The following RELCH variants were observed in gnomAD, a reference collection of about 807,000 sequenced individuals.
The protein encoded by RELCH is RAB11-binding protein RELCH.
A neutral mutation model predicts 150.3 loss-of-function variants in RELCH; 41 were observed. The ratio of observed to expected loss-of-function variants is 0.27; its 90% CI spans 0.21 to 0.35. The LOEUF (loss-of-function observed/expected upper bound fraction) is 0.35, where lower values mean the gene tolerates loss of function less well. RELCH is among the 10% of genes least tolerant of loss of function. The pLI is 1.00. For synonymous variants in RELCH, 478 were observed against 531.8 expected (o/e 0.90, Z 1.39); for missense variants, 1,092 against 1,467.8 (o/e 0.74, Z 4.18).
At chr18:62,278,727 A>C (rs928593339) in intron 22 of RELCH, among the ~76,000 whole-genome samples, 6 of 152,090 alleles carry the variant, frequency 3.9e-5, no homozygotes, top group African/African-American at 1.4e-4. Flanking sequence ...AAATTCAGTA[A>C]TATTTATCAA....
rs890674833 is a variant in RELCH at position 62,274,066 on chromosome 18, G to A, written c.2847G>A (p.Lys949=). The A allele has an allele frequency of 1.1e-5, 18 of 1,610,752 alleles. No homozygotes were observed. Among genetic ancestry groups the A allele is most frequent in the Non-Finnish European group, 1.5e-5 (18 of 1,177,494 alleles). ...CTCATGCTCCTCTTGATAGCCTGAA[G>A]GCTTCTTTTGTGGAATTGGGGTAAG... ...SLSHAPLDSL[K]ASFVELGANP... is the part of the protein sequence containing the mutation. The change falls in exon 21 of 29, where the codon AAG becomes AAA. Residue 949 remains lysine, a synonymous_variant. Coordinates refer to ENST00000644646, the MANE Select transcript of RELCH (RefSeq NM_001346231.2).
At chr18:62,258,400 C>A in intron 14 of RELCH, 112 bp from the exon 15 acceptor site, 1 of 992,502 alleles carries the variant, frequency 1.0e-6, no homozygotes, top group Non-Finnish European at 1.4e-6. Context: ...GGCCTTCTTT[C>A]TTGCTTAAAA....
intron 10 of RELCH, among the ~76,000 whole-genome samples, chr18:62,236,156 T>C (rs1165109095): frequency 6.6e-6 from 1 of 152,040 alleles, no homozygotes; most frequent in Non-Finnish European, 1.5e-5. Context: ...AATATTCTTA[T>C]CATAAAATGG....
At position 62,291,636 on chromosome 18, in the gene RELCH, G is replaced by A. The variant is rs748419413; in HGVS notation, c.3459+5G>A. On this transcript the variant is annotated splice_donor_5th_base_variant and intron_variant, in intron 27 of 28. Transcript: ENST00000644646. ...CATCTCTCTCCAGAGCATGAGGTGA[G>A]CCACTGTGATTACCAGTGCCATATT... The A allele has an allele frequency of 3.8e-6, 6 of 1,584,218 alleles. No individual in the cohort carries two copies. In the African/African-American group the frequency reaches 8.1e-5, roughly 21 times the overall value.
intron 16 of RELCH, 75 bp downstream of exon 16, chr18:62,261,733 A>G: frequency 7.5e-7 from 1 of 1,330,550 alleles, no homozygotes; most frequent in Non-Finnish European, 1.0e-6. Context: ...TTTTTTATTA[A>G]AAGTCTAAAA....
chr18:62,285,807 A>C (rs2044760193), intron 25 of RELCH: 1 of 152,236 alleles, frequency 6.6e-6, no homozygotes, highest in Non-Finnish European at 1.5e-5. Context: ...GGTTATTATT[A>C]AATCATCTCC....
At position 62,187,497 on chromosome 18, in the gene RELCH, C is replaced by A; in HGVS notation, c.-9C>A. On this transcript the variant is annotated 5_prime_UTR_variant, in exon 1 of 29. Coordinates refer to ENST00000644646, the MANE Select transcript of RELCH (RefSeq NM_001346231.2). ...GTCAGGGAGGCGCCCACACTCCTGA[C>A]AGGATAAGATGGCGGCGATGGCGCC... is the stretch of plus-strand genomic sequence containing the variant. 1 of 1,511,564 alleles carries A rather than the reference C, an allele frequency of 6.6e-7. No homozygotes were observed. The highest frequency in any genetic ancestry group is 8.8e-7 in the Non-Finnish European group (1 of 1,130,870). The allele number at this position is 1,511,564 out of a possible 1,614,324, so 93.6% of individuals were successfully genotyped here. A position where few individuals can be genotyped will look rare whatever the true frequency, so the allele number is the denominator to read the frequency against.
At chr18:62,228,686 C>T (rs1481991702) in intron 8 of RELCH, 88 bp downstream of exon 8, 4 of 962,010 alleles carry the variant, frequency 4.2e-6, no homozygotes, top group South Asian at 4.0e-5. Flanking sequence ...ATTTAAACCG[C>T]TTTTTTGCAG....
At chr18:62,202,416 T>C (rs1157599323) in intron 1 of RELCH, among the ~76,000 whole-genome samples, 1 of 152,198 alleles carries the variant, frequency 6.6e-6, no homozygotes, top group Non-Finnish European at 1.5e-5. Context: ...CTTTCTTCCA[T>C]AAATAATTTT....
At chr18:62,235,715 T>C (rs1345397322) in intron 10 of RELCH, among the ~76,000 whole-genome samples, 1 of 152,058 alleles carries the variant, frequency 6.6e-6, no homozygotes, top group Non-Finnish European at 1.5e-5. Flanking sequence ...GTATTGTAAA[T>C]GGAATTGTTC....
At chr18:62,216,389 A>T (rs2040479044) in intron 2 of RELCH, among the ~76,000 whole-genome samples, 3 of 152,090 alleles carry the variant, frequency 2.0e-5, no homozygotes, top group Admixed American at 1.3e-4. Context: ...GGTTCACAAG[A>T]TCCATCTTTT....
intron 10 of RELCH, among the ~76,000 whole-genome samples, chr18:62,233,478 T>C (rs533178647): frequency 4.2e-4 from 64 of 152,104 alleles, no homozygotes; most frequent in East Asian, 1.7e-3. Context: ...TGTAGAGCTT[T>C]AAAATTTTTT....
At position 62,305,013 on chromosome 18, in the gene RELCH, A is replaced by G. The variant is rs1600314437; in HGVS notation, c.3531-401A>G. 6.6e-6 allele frequency among the ~76,000 whole-genome samples: 1 copy of G among 152,242 alleles called. No individual in the cohort carries two copies. The highest frequency in any genetic ancestry group is 6.5e-5 in the Admixed American group (1 of 15,284). ...TAAGAATTAAATGAAGTGATAAAGAATAACTACTAACAATTACATCATGCT... is the reference window on the plus strand; with the variant it reads ...TAAGAATTAAATGAAGTGATAAAGAGTAACTACTAACAATTACATCATGCT... On this transcript the variant is annotated intron_variant, in intron 28 of 28. Coordinates refer to ENST00000644646, the MANE Select transcript of RELCH (RefSeq NM_001346231.2). This position sits in a 1 kb window ranked among gnomAD's most constrained non-coding sequence, Gnocchi z 4.0.
chr18:62,259,517 G>A (rs1457438537), intron 15 of RELCH, among the ~76,000 whole-genome samples: 2 of 151,762 alleles, frequency 1.3e-5, no homozygotes, highest in African/African-American at 4.8e-5. Context: ...TCCATATTTA[G>A]TTGTTCATAG....
rs528375371 is a variant in RELCH at position 62,277,917 on chromosome 18, G to A, written c.2968-1857G>A. 14 of 884,010 alleles carry A rather than the reference G, an allele frequency of 1.6e-5. No homozygotes were observed. The East Asian group carries it at 1.1e-3, about 68-fold the overall frequency. The allele number at this position is 884,010 out of a possible 1,614,324, so 54.8% of individuals were successfully genotyped here. On this transcript the variant is annotated intron_variant, in intron 22 of 28. Coordinates refer to ENST00000644646, the MANE Select transcript of RELCH (RefSeq NM_001346231.2). ...GTAACATTAGAGCACAACTCAAAGA[G>A]GTCATGGACTTTAAGTCAGATGGGA...
intron 2 of RELCH, among the ~76,000 whole-genome samples, chr18:62,218,742 T>A (rs2040640938): frequency 6.6e-6 from 1 of 151,968 alleles, no homozygotes; most frequent in Non-Finnish European, 1.5e-5. Context: ...TCAGCAGAGT[T>A]GGACTATGAG....
At position 62,255,493 on chromosome 18, in the gene RELCH, T is replaced by C. The variant is rs1282221335; in HGVS notation, c.1896+15T>C. On this transcript the variant is annotated intron_variant, in intron 13 of 28. Coordinates refer to ENST00000644646, the MANE Select transcript of RELCH (RefSeq NM_001346231.2). Reference sequence around the variant, plus strand: ...CTTACCTTCCTGTAAGATTGTCTTTTTTTTTTTCTTTAAACTATTTTTCCA... The same window carrying C: ...CTTACCTTCCTGTAAGATTGTCTTTCTTTTTTTCTTTAAACTATTTTTCCA... 4 of 1,568,282 alleles carry C rather than the reference T, an allele frequency of 2.6e-6. No individual in the cohort carries two copies. In the East Asian group the frequency reaches 6.7e-5, roughly 26 times the overall value.
At chr18:62,217,764 G>A (rs1351259733) in intron 2 of RELCH, among the ~76,000 whole-genome samples, 1 of 151,948 alleles carries the variant, frequency 6.6e-6, no homozygotes, top group Admixed American at 6.6e-5. Context: ...TTAAGAAAAT[G>A]TCTAAGGATG....
chr18:62,282,204 A>C, intron 24 of RELCH, 102 bp from the exon 25 acceptor site: 1 of 938,444 alleles, frequency 1.1e-6, no homozygotes, highest in South Asian at 1.5e-5. Context: ...AGGTTGCTTT[A>C]ATCCACTGCT....
Sources: allele counts gnomAD v4.1 joint callset (sites outside exome capture counted in the v4.1 genomes callset), GRCh38; gene constraint gnomAD v4.1.1; non-coding constraint Gnocchi (gnomAD v3.1); transcripts MANE v1.5; gene names NCBI Gene and HGNC (gene_info 2026-07-23, HGNC 2026-07-21).